CATSPERE: variants seen among roughly 807,000 people sequenced by gnomAD.
CATSPERE encodes the protein cation channel sperm-associated auxiliary subunit epsilon.
In CATSPERE, 93 loss-of-function variants were observed where a neutral mutation model predicts 114.1. The observed-to-expected ratio is 0.81, with a 90% CI of 0.69 to 0.97. The LOEUF (loss-of-function observed/expected upper bound fraction) is 0.97. Ranked by LOEUF, CATSPERE falls within the 50% of genes least tolerant of loss-of-function variation. The pLI is 0.00. For synonymous variants in CATSPERE, 341 were observed against 384.1 expected (o/e 0.89, Z 1.31); for missense variants, 1,058 against 1,131.6 (o/e 0.93, Z 0.93).
In CATSPERE at chr1:244,605,436, T is replaced by C. The variant is rs564192821; in HGVS notation, c.2304-259T>C. On this transcript the variant is annotated intron_variant, in intron 17 of 21. Coordinates refer to ENST00000366534, the MANE Select transcript of CATSPERE (RefSeq NM_001130957.2). ...TCTCCTTCATTACTATCAGGTTTTA[T>C]TTTGAGAGCTGAATGAAAGAACATC... 2.0e-5 allele frequency among the ~76,000 whole-genome samples: 3 copies of C among 152,192 alleles called. No individual in the cohort carries two copies. The South Asian group carries it at 6.2e-4, about 32-fold the overall frequency.
At chr1:244,581,614 G>A (rs191542093) in intron 11 of CATSPERE, among the ~76,000 whole-genome samples, 182 bp from the exon 12 acceptor site, 5 of 151,990 alleles carry the variant, frequency 3.3e-5, no homozygotes, top group East Asian at 1.9e-4. Flanking sequence ...GCTTTATTAC[G>A]TATCTATGCA....
At chr1:244,466,018 G>A (rs1482022836) in intron 2 of CATSPERE, among the ~76,000 whole-genome samples, 3 of 152,066 alleles carry the variant, frequency 2.0e-5, no homozygotes, top group South Asian at 2.1e-4. Context: ...ATTGAATATG[G>A]TAAAAAATAG....
chr1:244,481,747 C>T (rs895632062), intron 5 of CATSPERE, among the ~76,000 whole-genome samples: 2 of 152,188 alleles, frequency 1.3e-5, no homozygotes, highest in African/African-American at 4.8e-5. Context: ...AGTGCTCGTA[C>T]AAAAGAGAGC....
chr1:244,627,607 C>T (rs935251006), intron 20 of CATSPERE, among the ~76,000 whole-genome samples: 9 of 151,864 alleles, frequency 5.9e-5, no homozygotes, highest in Non-Finnish European at 1.0e-4. Context: ...TGAGAATTAC[C>T]AAAATGTGAC....
At chr1:244,507,363 A>G (rs1387774435) in intron 7 of CATSPERE, among the ~76,000 whole-genome samples, 2 of 152,168 alleles carry the variant, frequency 1.3e-5, no homozygotes, top group African/African-American at 4.8e-5. Context: ...ACCGATTTAC[A>G]TTCCTACCAA....
chr1:244,588,619 C>A, intron 14 of CATSPERE, 85 bp downstream of exon 14: 1 of 1,001,222 alleles, frequency 1.0e-6, no homozygotes, highest in Non-Finnish European at 1.6e-6. Flanking sequence ...GTGATAATAG[C>A]CTAATGACTG....
intron 13 of CATSPERE, among the ~76,000 whole-genome samples, chr1:244,585,040 G>A (rs1369526372): frequency 6.6e-6 from 1 of 151,996 alleles, no homozygotes; most frequent in Non-Finnish European, 1.5e-5. Flanking sequence ...GAAGCACCGT[G>A]GTTTCCTCCA....
chr1:244,618,604 A>AGC (rs1671688089), intron 20 of CATSPERE, among the ~76,000 whole-genome samples: 1 of 4,640 alleles, frequency 2.2e-4, no homozygotes, highest in African/African-American at 2.4e-4. Context: ...AATATGGAGA[A>AGC]ACTGTCTCTA....
chr1:244,620,552 A>G (rs1265350606), intron 20 of CATSPERE, among the ~76,000 whole-genome samples: 1 of 152,200 alleles, frequency 6.6e-6, no homozygotes, highest in Non-Finnish European at 1.5e-5. Flanking sequence ...AACCAAAAAT[A>G]AAATTTTAAC....
chr1:244,462,968 A>G (rs1045780949), intron 1 of CATSPERE, among the ~76,000 whole-genome samples: 18 of 152,220 alleles, frequency 1.2e-4, no homozygotes, highest in African/African-American at 4.3e-4. Context: ...AAGGAATTGT[A>G]GGGTGGTGAT....
chr1:244,472,449 G>A (rs1668646444), intron 2 of CATSPERE, among the ~76,000 whole-genome samples: 1 of 151,932 alleles, frequency 6.6e-6, no homozygotes, highest in Non-Finnish European at 1.5e-5. Context: ...TTTGCCCATG[G>A]CTTTTAAAAA....
rs1191943049 is a variant in CATSPERE, at chr1:244,533,071, C to A, written c.536+14373C>A. Reference sequence around the variant, plus strand: ...CATATATATTTACAATAAAGTTATGCCCTCTTGCTGAATTGACCCCTTTAT... The same window carrying A: ...CATATATATTTACAATAAAGTTATGACCTCTTGCTGAATTGACCCCTTTAT... On this transcript the variant is annotated intron_variant, in intron 8 of 21. Transcript: ENST00000366534. Among the ~76,000 whole-genome samples the A allele has an allele frequency of 2.6e-5, 4 of 151,948 alleles. No homozygotes were observed. The East Asian group carries it at 7.7e-4, about 29-fold the overall frequency.
rs545482244 is a variant in CATSPERE at position 244,585,653 on chromosome 1, A to C, written c.2085+1714A>C. 1.9e-4 allele frequency among the ~76,000 whole-genome samples: 29 copies of C among 152,324 alleles called. No individual in the cohort carries two copies. In the South Asian group the frequency reaches 5.8e-3, roughly 30 times the overall value. On this transcript the variant is annotated intron_variant, in intron 13 of 21. Transcript: ENST00000366534. ...ACATAGGACCCAGCTCTGTGTAGAC[A>C]CAGAACCATGGCCTACAGACTGACC...
chr1:244,503,100 T>C (rs1036590968), intron 7 of CATSPERE, among the ~76,000 whole-genome samples: 2 of 152,152 alleles, frequency 1.3e-5, no homozygotes, highest in African/African-American at 2.4e-5. Flanking sequence ...GTTATAAATG[T>C]GTGAAGTGTG....
chr1:244,586,713 G>C (rs146662187), intron 13 of CATSPERE, among the ~76,000 whole-genome samples: 109 of 152,274 alleles, frequency 7.2e-4, no homozygotes, highest in African/African-American at 2.5e-3. Flanking sequence ...GGGAGTATTA[G>C]AGTTTTTCCA....
Position 244,633,849 on chromosome 1 carries a change from G to C in CATSPERE, c.2649-1640G>C, listed in dbSNP as rs1674281520. 6.6e-6 allele frequency among the ~76,000 whole-genome samples: 1 copy of C among 151,690 alleles called. No homozygotes were observed. Among genetic ancestry groups the C allele is most frequent in the African/African-American group, 2.4e-5 (1 of 41,274 alleles). ...CCGTGCTGTGAAAATTCCTGTGACA[G>C]GTGTCTACATCACTCATTTTTTTTT... On this transcript the variant is annotated intron_variant, in intron 20 of 21. Coordinates refer to ENST00000366534, the MANE Select transcript of CATSPERE (RefSeq NM_001130957.2). The surrounding 1 kb of genome is among the most constrained non-coding windows in gnomAD (Gnocchi z 4.1).
intron 8 of CATSPERE, among the ~76,000 whole-genome samples, chr1:244,549,267 T>G (rs1660225949): frequency 6.6e-6 from 1 of 151,934 alleles, no homozygotes. Context: ...CCAGCTGAGG[T>G]TCTCACAGAA....
intron 5 of CATSPERE, among the ~76,000 whole-genome samples, chr1:244,489,867 G>A (rs1482567143): frequency 1.3e-5 from 2 of 151,618 alleles, no homozygotes; most frequent in Non-Finnish European, 2.9e-5. Context: ...AATGAGGGAG[G>A]GATTACTTTT....
chr1:244,530,470 C>A (rs1167631293), intron 8 of CATSPERE, among the ~76,000 whole-genome samples: 1 of 152,044 alleles, frequency 6.6e-6, no homozygotes, highest in Non-Finnish European at 1.5e-5. Context: ...CAGTTTTGTT[C>A]ATTTTGTTTA....
Sources: gnomAD v4.1 joint callset for allele counts (sites outside exome capture counted in the v4.1 genomes callset) on GRCh38, gnomAD v4.1.1 for gene constraint, Gnocchi (gnomAD v3.1) non-coding constraint, MANE v1.5 for transcripts, NCBI Gene and HGNC (gene_info 2026-07-23, HGNC 2026-07-21) for gene names.